Variants in KIF1B observed in about 807,000 individuals in gnomAD.
The protein encoded by KIF1B is kinesin family member 1B, also known as kinesin-like protein KIF1B.
KIF1B carries 76 observed loss-of-function variants against 241.9 expected under a neutral mutation model. That is an observed-to-expected ratio of 0.31 (90% CI 0.26 to 0.38). The LOEUF is 0.38. Ranked by LOEUF, KIF1B falls within the 10% of genes least tolerant of loss-of-function variation. The pLI is 1.00. For missense variants in KIF1B, 1,622 were observed against 2,271.4 expected (o/e 0.71, Z 5.81); for synonymous variants, 750 against 796.7 (o/e 0.94, Z 0.99).
chr1:10,298,312 G>C (rs145936583), intron 22 of KIF1B, among the ~76,000 whole-genome samples: 1 of 152,156 alleles, frequency 6.6e-6, no homozygotes, highest in South Asian at 2.1e-4. Context: ...CTGTGCTTTG[G>C]AGAAGAAGGG....
At position 10,279,323 on chromosome 1, in the gene KIF1B, A is replaced by T. The variant is rs542303260; in HGVS notation, c.1222+185A>T. ...TCATTTAGCAAACTAATCTTTGCTG[A>T]ATTTCAGTTTGTGGCTTGAGTGAAG... On this transcript the variant is annotated intron_variant, in intron 14 of 48. Coordinates refer to ENST00000676179, the MANE Select transcript of KIF1B (RefSeq NM_001365951.3). Among the ~76,000 whole-genome samples the T allele has an allele frequency of 2.0e-5, 3 of 152,194 alleles. No individual in the cohort carries two copies. The South Asian group carries it at 6.2e-4, about 32-fold the overall frequency.
chr1:10,218,277 CA>C (rs1277975970), intron 1 of KIF1B, among the ~76,000 whole-genome samples: 1 of 152,104 alleles, frequency 6.6e-6, no homozygotes, highest in Non-Finnish European at 1.5e-5. Context: ...CACACTTTTG[CA>C]GTACTAAGTA....
rs561503103 is a variant in KIF1B, at chr1:10,275,937, G to A, written c.959-384G>A. The stretch of plus-strand genomic sequence containing the variant: ...TTTTTTTTTTTTTGAGATGGAGTTC[G>A]TGCTGTTGCCCAGGCTGGAGTGCGG... On this transcript the variant is annotated intron_variant, in intron 11 of 48. Coordinates refer to ENST00000676179, the MANE Select transcript of KIF1B (RefSeq NM_001365951.3). Among the ~76,000 whole-genome samples the A allele has an allele frequency of 2.6e-4, 38 of 144,122 alleles. 1 individual carries two copies. Among genetic ancestry groups the A allele is most frequent in the African/African-American group, 9.6e-4 (37 of 38,590 alleles). 94.5% of individuals were successfully genotyped at this position (144,122 alleles called of 152,430 possible). A position where few individuals can be genotyped will look rare whatever the true frequency, so the allele number is the denominator to read the frequency against.
intron 4 of KIF1B, among the ~76,000 whole-genome samples, chr1:10,261,267 C>T (rs1034551159): frequency 6.7e-6 from 1 of 148,926 alleles, no homozygotes; most frequent in African/African-American, 2.5e-5. Context: ...TGCACCTGGC[C>T]AAATTTTTTT....
At chr1:10,256,554 CAT>C (rs1306810914) in intron 3 of KIF1B, among the ~76,000 whole-genome samples, 1 of 152,036 alleles carries the variant, frequency 6.6e-6, no homozygotes, top group Non-Finnish European at 1.5e-5. Context: ...ACATACAGAA[CAT>C]ATTTAGTTTA....
Position 10,380,576 on chromosome 1 carries a change from T to G in KIF1B, c.*3989T>G, listed in dbSNP as rs1638996859. The G allele has an allele frequency of 2.2e-5, 4 of 182,948 alleles. No individual in the cohort carries two copies. The South Asian group carries it at 7.9e-4, about 36-fold the overall frequency. The allele number at this position is 182,948 out of a possible 1,614,324, so 11.3% of individuals were successfully genotyped here. A position where few individuals can be genotyped will look rare whatever the true frequency, so the allele number is the denominator to read the frequency against. On this transcript the variant is annotated 3_prime_UTR_variant, in exon 49 of 49. Coordinates refer to ENST00000676179, the MANE Select transcript of KIF1B (RefSeq NM_001365951.3). ...CAAAAAGTAGCCAGGCGTGGTGGCG[T>G]GTGCCTGTAGTCCCAGCTACTTGGG...
chr1:10,297,123 C>T (rs1650305640), intron 21 of KIF1B, 46 bp downstream of exon 21: 3 of 1,607,320 alleles, frequency 1.9e-6, no homozygotes, highest in South Asian at 2.2e-5. Flanking sequence ...TTCTTTTAAA[C>T]ATGTAATACT....
intron 1 of KIF1B, among the ~76,000 whole-genome samples, chr1:10,212,921 TATATATATATAC>T (rs201904608): frequency 0.019 from 2,246 of 118,362 alleles, 58 homozygotes; most frequent in African/African-American, 0.062. Flanking sequence ...TATATATATA[TATATATATATAC>T]ACACACACAT....
At chr1:10,280,836 A>G (rs941533484) in intron 14 of KIF1B, among the ~76,000 whole-genome samples, 4 of 152,174 alleles carry the variant, frequency 2.6e-5, no homozygotes, top group Non-Finnish European at 2.9e-5. Flanking sequence ...CTGAAAGACC[A>G]TGCATGACTA....
chr1:10,373,774 A>G (rs938375801), intron 45 of KIF1B, among the ~76,000 whole-genome samples: 8 of 152,078 alleles, frequency 5.3e-5, no homozygotes, highest in Non-Finnish European at 1.2e-4. Context: ...TTTTTCTGCC[A>G]TTTTCTAAGG....
At position 10,374,245 on chromosome 1, in the gene KIF1B, A is replaced by G. The variant is rs79330068; in HGVS notation, c.4947-71A>G. 3.3e-3 allele frequency: 4,986 copies of G among 1,502,992 alleles called. 158 individuals carry two copies. In the African/African-American group the frequency reaches 0.061, roughly 18 times the overall value. The allele number at this position is 1,502,992 out of a possible 1,614,324, so 93.1% of individuals were successfully genotyped here. Reference sequence around the variant, plus strand: ...GCCATTGTGTTCCTCCCAGTGAAACAGTACTCAGTATGCCTTGATTGTAAC... The same window carrying G: ...GCCATTGTGTTCCTCCCAGTGAAACGGTACTCAGTATGCCTTGATTGTAAC... On this transcript the variant is annotated intron_variant, in intron 45 of 48. Transcript: ENST00000676179. This position sits in a 1 kb window ranked among gnomAD's most constrained non-coding sequence, Gnocchi z 4.3.
At chr1:10,332,081 T>C (rs1209456438) in intron 27 of KIF1B, among the ~76,000 whole-genome samples, 1 of 148,254 alleles carries the variant, frequency 6.7e-6, no homozygotes, top group Admixed American at 6.7e-5. Flanking sequence ...TTTTTTCTCT[T>C]GAGACGAAGT....
At position 10,371,170 on chromosome 1, in the gene KIF1B, T is replaced by G; in HGVS notation, c.4854T>G (p.Asp1618Glu). The G allele has an allele frequency of 6.2e-7, 1 of 1,614,116 alleles. No homozygotes were observed. Among genetic ancestry groups the G allele is most frequent in the Non-Finnish European group, 8.5e-7 (1 of 1,180,010 alleles). Residue 1618 changes from aspartate (D) to glutamate (E), a missense_variant, in exon 45 of 49, where the codon GAT becomes GAG. By Grantham distance (45) the Asp-to-Glu change is conservative. This residue lies in a region of KIF1B where 357 missense variants were observed against 409.0 expected (regional missense o/e 0.87). Transcript: ENST00000676179. ...CTGATATCTCTCCAATTGGACGGGATCCCTCTGAGTCCAGTTTCAGCAGTG... is the reference window on the plus strand; with the variant it reads ...CTGATATCTCTCCAATTGGACGGGAGCCCTCTGAGTCCAGTTTCAGCAGTG... ...KLSDISPIGRDPSESSFSSAT... is the reference protein window; with the variant it reads ...KLSDISPIGREPSESSFSSAT...
chr1:10,235,862 C>CAAAA (rs70997211), intron 2 of KIF1B, among the ~76,000 whole-genome samples: 2 of 70,378 alleles, frequency 2.8e-5, no homozygotes, highest in African/African-American at 5.6e-5. Flanking sequence ...AACACTGTCT[C>CAAAA]AAAAAAAAAA....
At chr1:10,299,948 A>C (rs913551074) in intron 22 of KIF1B, among the ~76,000 whole-genome samples, 5 of 152,070 alleles carry the variant, frequency 3.3e-5, no homozygotes, top group African/African-American at 1.2e-4. Context: ...AAATATTTTA[A>C]AAATCTGGCC....
Position 10,374,324 on chromosome 1 carries a change from A to T in KIF1B, c.4955A>T (p.Glu1652Val). The change falls in exon 46 of 49, where the codon GAA (glutamate) becomes GTA (valine). Residue 1652 changes from glutamate to valine, a missense_variant. Around this residue, in one of 7 missense-constraint regions of KIF1B, gnomAD observed 357 missense variants for 409.0 expected, o/e 0.87. Transcript: ENST00000676179. The surrounding 1 kb of genome is among the most constrained non-coding windows in gnomAD (Gnocchi z 4.3). ...ATCTCTCTATTTTAAAGGACCCCAG[A>T]AGCCAATTCCCGGGCCTCTAGTCCC... is the stretch of plus-strand genomic sequence containing the variant. ...RSNSLDQKTP[E>V]ANSRASSPCP... is the part of the protein sequence containing the mutation. 1 of 1,614,130 alleles carries T rather than the reference A, an allele frequency of 6.2e-7. No individual in the cohort carries two copies.
intron 22 of KIF1B, among the ~76,000 whole-genome samples, chr1:10,319,241 A>G (rs189380038): frequency 3.8e-4 from 58 of 151,708 alleles, no homozygotes; most frequent in Non-Finnish European, 6.5e-4. Context: ...AGCTGGGATT[A>G]TAGGCACGTG....
intron 25 of KIF1B, 119 bp from the exon 26 acceptor site, chr1:10,324,639 A>G: frequency 1.7e-6 from 2 of 1,187,566 alleles, no homozygotes; most frequent in Non-Finnish European, 2.5e-6. Context: ...AACATTAAAC[A>G]GTGGGAGCAA....
At chr1:10,296,475 T>G in intron 19 of KIF1B, 107 bp from the exon 20 acceptor site, 1 of 916,142 alleles carries the variant, frequency 1.1e-6, no homozygotes, top group Non-Finnish European at 1.7e-6. Context: ...CTTGATTGAT[T>G]GCAGGGATTT....
Sources: allele counts gnomAD v4.1 joint callset (sites outside exome capture counted in the v4.1 genomes callset), GRCh38; gene constraint gnomAD v4.1.1; regional missense constraint gnomAD v4.1.1; non-coding constraint Gnocchi (gnomAD v3.1); transcripts MANE v1.5; gene names NCBI Gene and HGNC (gene_info 2026-07-23, HGNC 2026-07-21).